Variants in OGDH observed in about 807,000 individuals in gnomAD.
The protein encoded by OGDH is oxoglutarate dehydrogenase, also known as 2-oxoglutarate dehydrogenase complex component E1.
OGDH carries 38 observed loss-of-function variants against 116.6 expected under a neutral mutation model. The observed-to-expected ratio is 0.33, with a 90% confidence interval of 0.25 to 0.43. The LOEUF is 0.43. Ranked by LOEUF, OGDH falls within the 20% of genes least tolerant of loss-of-function variation. The probability of loss-of-function intolerance (pLI) is 1.00; values close to 1 mark genes in which losing one functional copy is unlikely to be tolerated. For synonymous variants in OGDH, 488 were observed against 533.3 expected, an observed-to-expected ratio of 0.92 and a Z score of 1.17; for missense variants, 825 against 1,357.2, an observed-to-expected ratio of 0.61 and a Z score of 6.16.
chr7:44,625,763 GCT>G (rs1785177857), intron 2 of OGDH, among the ~76,000 whole-genome samples: 1 of 152,108 alleles, frequency 6.6e-6, no homozygotes, highest in African/African-American at 2.4e-5. Context: ...CTTCCACTGG[GCT>G]CCTGTAAACA....
chr7:44,698,803 T>G (rs1788699728), intron 18 of OGDH, among the ~76,000 whole-genome samples: 1 of 149,690 alleles, frequency 6.7e-6, no homozygotes, highest in South Asian at 2.1e-4. Flanking sequence ...ATCGTGCCAC[T>G]GCACTCCAAC....
chr7:44,696,854 A>G, intron 14 of OGDH, 60 bp from the exon 15 acceptor site: 1 of 1,526,468 alleles, frequency 6.6e-7, no homozygotes. Flanking sequence ...CACGCTGAGA[A>G]GCAAGGCAGG....
At chr7:44,624,777 C>T (rs142414508) in intron 2 of OGDH, among the ~76,000 whole-genome samples, 1 of 152,280 alleles carries the variant, frequency 6.6e-6, no homozygotes, top group Non-Finnish European at 1.5e-5. Context: ...CTGTGCTTAA[C>T]TCTGCGAGGA....
chr7:44,696,833 C>T lies in OGDH; in HGVS notation c.1901-81C>T, dbSNP rs532450912. 3.1e-5 allele frequency: 46 copies of T among 1,478,240 alleles called. No homozygotes were observed. The East Asian group carries it at 6.4e-4, about 21-fold the overall frequency. 91.6% of individuals were successfully genotyped at this position (1,478,240 alleles called of 1,614,324 possible). On this transcript the variant is annotated intron_variant, in intron 14 of 22. Coordinates refer to ENST00000222673, the MANE Select transcript of OGDH (RefSeq NM_002541.4). ...AACTACGAGTAAAGAAGGCTCCGCT[C>T]TTGCCATGGGCACGCTGAGAAGCAA...
chr7:44,697,371 C>T lies in OGDH; in HGVS notation c.2053C>T (p.His685Tyr). Residue 685 changes from histidine (H) to tyrosine (Y), a missense_variant and splice_region_variant, in exon 16 of 23, where the codon CAC (histidine) becomes TAC (tyrosine). His to Tyr is a moderately conservative substitution (Grantham distance 83). Transcript: ENST00000222673. The surrounding 1 kb of genome is among the most constrained non-coding windows in gnomAD (Gnocchi z 6.0). ...GQDVERGTFS[H>Y]RHHVLHDQNV... ...ATTACCTCTGTTGTCCTGTCTCAGC[C>T]ACCGCCACCATGTGCTCCATGACCA... The T allele has an allele frequency of 1.2e-6, 2 of 1,614,180 alleles. No homozygotes were observed. Among genetic ancestry groups the T allele is most frequent in the Non-Finnish European group, 1.7e-6 (2 of 1,180,034 alleles).
At position 44,691,981 on chromosome 7, in the gene OGDH, TAAAAA is replaced by T. The variant is rs371665967; in HGVS notation, c.1336-1824_1336-1820del. 6.0e-3 allele frequency among the ~76,000 whole-genome samples: 619 copies of T among 102,598 alleles called. 11 individuals carry two copies. Among genetic ancestry groups the T allele is most frequent in the African/African-American group, 0.026 (593 of 22,754 alleles). The allele number at this position is 102,598 out of a possible 152,430, so 67.3% of individuals were successfully genotyped here. On this transcript the variant is annotated intron_variant, in intron 10 of 22. Coordinates refer to ENST00000222673, the MANE Select transcript of OGDH (RefSeq NM_002541.4). ...TGGGAGTCACAATGAGACTCTGTCTTAAAAAAAAAAAAAAAAAAAAAAAAGTTTGA... is the reference window on the plus strand; with the variant it reads ...TGGGAGTCACAATGAGACTCTGTCTTAAAAAAAAAAAAAAAAAAAGTTTGA...
At chr7:44,686,750 A>G (rs528722343) in intron 10 of OGDH, among the ~76,000 whole-genome samples, 8 of 144,506 alleles carry the variant, frequency 5.5e-5, no homozygotes, top group African/African-American at 2.1e-4. Flanking sequence ...GTGCAATGGC[A>G]TGATCTCGGC....
intron 20 of OGDH, among the ~76,000 whole-genome samples, chr7:44,701,861 C>T (rs918762606): frequency 3.3e-5 from 5 of 152,084 alleles, no homozygotes; most frequent in South Asian, 4.1e-4. Context: ...CACCTGAGGT[C>T]GGGAGTTCGA....
chr7:44,707,219 T>A lies in OGDH; in HGVS notation c.2633-6T>A. 6.2e-7 allele frequency: 1 copy of A among 1,613,874 alleles called. No homozygotes were observed. The highest frequency in any genetic ancestry group is 8.5e-7 in the Non-Finnish European group (1 of 1,179,852). On this transcript the variant is annotated splice_polypyrimidine_tract_variant and splice_region_variant and intron_variant, in intron 20 of 22. Transcript: ENST00000222673. This position sits in a 1 kb window ranked among gnomAD's most constrained non-coding sequence, Gnocchi z 5.2. ...AACCAGCCTAGCCATGGGAACTCTCTTGTAGGAACCCACTTCCAGCGGGTG... is the reference window on the plus strand; with the variant it reads ...AACCAGCCTAGCCATGGGAACTCTCATGTAGGAACCCACTTCCAGCGGGTG...
rs138277018 is a variant in OGDH, at chr7:44,707,349, C to T, written c.2757C>T (p.Arg919=). ...ACCTCACCCGGGAGCGCAAAGCACG[C>T]GACATGGTGGGGCAGGTGGCCATCA... ...YYDLTRERKA[R]DMVGQVAITR... is the part of the protein sequence containing the mutation. The change falls in exon 21 of 23, where the codon CGC becomes CGT. Residue 919 remains arginine, a synonymous_variant. Coordinates refer to ENST00000222673, the MANE Select transcript of OGDH (RefSeq NM_002541.4). The surrounding 1 kb of genome is among the most constrained non-coding windows in gnomAD (Gnocchi z 5.2). The T allele has an allele frequency of 1.3e-4, 202 of 1,614,246 alleles. No homozygotes were observed. The highest frequency in any genetic ancestry group is 1.6e-4 in the Non-Finnish European group (189 of 1,180,040).
chr7:44,698,353 T>G, intron 18 of OGDH, 90 bp downstream of exon 18: 1 of 1,311,592 alleles, frequency 7.6e-7, no homozygotes, highest in Non-Finnish European at 1.1e-6. Context: ...CATCCTGAAG[T>G]GGCAGACCGT....
intron 1 of OGDH, among the ~76,000 whole-genome samples, chr7:44,617,024 C>T (rs545051867): frequency 6.8e-5 from 10 of 147,356 alleles, no homozygotes; most frequent in South Asian, 6.5e-4. Flanking sequence ...AACCACCTCC[C>T]GGGTTCAAGC....
chr7:44,646,164 A>G (rs979873942), intron 3 of OGDH, among the ~76,000 whole-genome samples: 9 of 152,218 alleles, frequency 5.9e-5, no homozygotes, highest in Non-Finnish European at 1.2e-4. Context: ...GGGAGAGCCT[A>G]GAGTTCAGAT....
At chr7:44,609,380 T>C (rs58986223) in intron 1 of OGDH, among the ~76,000 whole-genome samples, 13,370 of 149,126 alleles carry the variant, frequency 0.09, 982 homozygotes, top group East Asian at 0.25. Context: ...CGCAGTGGTG[T>C]GTTCCTGTAA....
intron 10 of OGDH, among the ~76,000 whole-genome samples, chr7:44,683,095 G>T (rs984481967): frequency 1.1e-4 from 17 of 152,090 alleles, no homozygotes; most frequent in African/African-American, 3.4e-4. Flanking sequence ...CTCACAGTGA[G>T]CTGAGATCAC....
intron 5 of OGDH, among the ~76,000 whole-genome samples, chr7:44,667,401 C>G (rs1453220731): frequency 6.6e-6 from 1 of 152,212 alleles, no homozygotes; most frequent in Non-Finnish European, 1.5e-5. Flanking sequence ...AGAGTCACTT[C>G]AACCCTGAGG....
chr7:44,616,990 A>C (rs912565585), intron 1 of OGDH, among the ~76,000 whole-genome samples: 2 of 136,040 alleles, frequency 1.5e-5, no homozygotes, highest in South Asian at 2.8e-4. Flanking sequence ...GCTGGAGTGC[A>C]GTGGCGCGAT....
rs550178262 is a variant in OGDH at position 44,694,723 on chromosome 7, G to A, written c.1668+147G>A. ...ATATTTACAACTACAGCATTTCAAT[G>A]CATAACTTTTTGGAGAATCTGGGCC... On this transcript the variant is annotated intron_variant, in intron 12 of 22. Transcript: ENST00000222673. The surrounding 1 kb of genome is among the most constrained non-coding windows in gnomAD (Gnocchi z 4.2). 7.6e-6 allele frequency: 7 copies of A among 919,428 alleles called. No homozygotes were observed. In the African/African-American group the frequency reaches 9.9e-5, roughly 13 times the overall value. The allele number at this position is 919,428 out of a possible 1,614,324, so 57.0% of individuals were successfully genotyped here. A position where few individuals can be genotyped will look rare whatever the true frequency, so the allele number is the denominator to read the frequency against.
intron 2 of OGDH, among the ~76,000 whole-genome samples, chr7:44,631,461 C>T (rs936004045): frequency 6.6e-6 from 1 of 152,356 alleles, no homozygotes; most frequent in Non-Finnish European, 1.5e-5. Context: ...CCCACCGCCA[C>T]TTGATAATCT....
Sources: allele counts gnomAD v4.1 joint callset (sites outside exome capture counted in the v4.1 genomes callset), GRCh38; gene constraint gnomAD v4.1.1; non-coding constraint Gnocchi (gnomAD v3.1); transcripts MANE v1.5; gene names NCBI Gene and HGNC (gene_info 2026-07-23, HGNC 2026-07-21).